EXOC4: variants seen among roughly 807,000 people sequenced by gnomAD.
EXOC4 encodes SEC8-like 1.
EXOC4 carries 71 observed loss-of-function variants against 107.2 expected under a neutral mutation model. The observed-to-expected ratio is 0.66, with a 90% CI of 0.55 to 0.81. The LOEUF is 0.81. EXOC4 is among the 30% of genes least tolerant of loss of function. The probability of loss-of-function intolerance (pLI) is 0.00; values close to 1 mark genes in which losing one functional copy is unlikely to be tolerated. For missense variants in EXOC4, 1,108 were observed against 1,189.6 expected (o/e 0.93, Z 1.01); for synonymous variants, 456 against 441.2 (o/e 1.03, Z -0.42).
chr7:133,683,050 C>CT (rs1794220908), intron 10 of EXOC4, among the ~76,000 whole-genome samples: 1 of 152,148 alleles, frequency 6.6e-6, no homozygotes, highest in African/African-American at 2.4e-5. Context: ...AAAGTCCTCC[C>CT]TTCTCACCTT....
At chr7:133,675,171 G>T (rs1003609687) in intron 10 of EXOC4, among the ~76,000 whole-genome samples, 2 of 152,068 alleles carry the variant, frequency 1.3e-5, no homozygotes, top group African/African-American at 4.8e-5. Context: ...GTGGGGGATG[G>T]TAGGGGGCAG....
intron 14 of EXOC4, among the ~76,000 whole-genome samples, chr7:133,946,479 A>G (rs748652679): frequency 3.3e-5 from 5 of 152,200 alleles, no homozygotes; most frequent in Admixed American, 6.5e-5. Flanking sequence ...TGTCTCAACT[A>G]ATGTTTTGTA....
At chr7:133,267,974 A>C (rs915510143) in intron 1 of EXOC4, among the ~76,000 whole-genome samples, 1 of 152,200 alleles carries the variant, frequency 6.6e-6, no homozygotes, top group Admixed American at 6.5e-5. Flanking sequence ...GGAACTTTAG[A>C]AAGGGATAGG....
intron 17 of EXOC4, among the ~76,000 whole-genome samples, chr7:134,055,412 C>CA (rs1033336903): frequency 4.6e-5 from 7 of 152,086 alleles, no homozygotes; most frequent in Non-Finnish European, 8.8e-5. Context: ...AGTCAACGGC[C>CA]AAAAAATAGA....
At chr7:133,554,293 TTGAG>T (rs1375895607) in intron 9 of EXOC4, among the ~76,000 whole-genome samples, 6 of 152,198 alleles carry the variant, frequency 3.9e-5, no homozygotes, top group African/African-American at 1.4e-4. Flanking sequence ...TTAATATTAT[TTGAG>T]TATCAAAAAT....
rs78698607 is a variant in EXOC4, at chr7:133,444,411, G to A, written c.1183-30917G>A. 4.8e-3 allele frequency among the ~76,000 whole-genome samples: 731 copies of A among 152,258 alleles called. 6 individuals are homozygous for A. Among genetic ancestry groups the A allele is most frequent in the African/African-American group, 0.016 (662 of 41,554 alleles). The stretch of plus-strand genomic sequence containing the variant: ...GAGGATTGACTTTGTAACAGGTAAC[G>A]TTTTATGTGTTGGGGCCACAGCAGT... On this transcript the variant is annotated intron_variant, in intron 7 of 17. Coordinates refer to ENST00000253861, the MANE Select transcript of EXOC4 (RefSeq NM_021807.4).
intron 17 of EXOC4, among the ~76,000 whole-genome samples, chr7:134,045,683 G>T (rs1795633775): frequency 6.6e-6 from 1 of 152,106 alleles, no homozygotes; most frequent in African/African-American, 2.4e-5. Context: ...TCTTAGTATA[G>T]TCACAGCGTT....
At chr7:134,068,868 G>A (rs546614684), downstream of EXOC4, among the ~76,000 whole-genome samples, 12 of 152,284 alleles carry the variant, frequency 7.9e-5, no homozygotes, top group South Asian at 2.1e-3. Context: ...CGTGAATTTC[G>A]TAGCACTAAT....
intron 9 of EXOC4, among the ~76,000 whole-genome samples, chr7:133,526,152 A>G (rs1426558886): frequency 6.6e-6 from 1 of 152,174 alleles, no homozygotes; most frequent in African/African-American, 2.4e-5. Flanking sequence ...TTCCCAGATA[A>G]TTGGCTCTTT....
intron 4 of EXOC4, among the ~76,000 whole-genome samples, chr7:133,313,926 A>G (rs1794932927): frequency 1.3e-5 from 2 of 152,230 alleles, no homozygotes; most frequent in Non-Finnish European, 2.9e-5. Context: ...ATTACTGTAC[A>G]TCAGCTGTCT....
At chr7:133,420,997 A>G (rs770815043) in intron 7 of EXOC4, among the ~76,000 whole-genome samples, 2 of 151,478 alleles carry the variant, frequency 1.3e-5, no homozygotes, top group Admixed American at 6.6e-5. Context: ...CCCTTTTACT[A>G]TTCCATTTTG....
intron 9 of EXOC4, chr7:133,576,342 G>C (rs1801125857): frequency 1.8e-6 from 1 of 541,100 alleles, no homozygotes; most frequent in African/African-American, 2.0e-5. Context: ...ATAATTGGCA[G>C]ATCACACCTT....
chr7:133,497,216 C>T (rs557098966), intron 9 of EXOC4, among the ~76,000 whole-genome samples: 4 of 152,254 alleles, frequency 2.6e-5, no homozygotes, highest in African/African-American at 7.2e-5. Context: ...ACATAGGACT[C>T]AGCTAATCCA....
intron 4 of EXOC4, among the ~76,000 whole-genome samples, chr7:133,315,699 A>C (rs1017630998): frequency 1.3e-5 from 2 of 152,208 alleles, no homozygotes; most frequent in Non-Finnish European, 1.5e-5. Context: ...AGGAACTTAC[A>C]GGTTTACATT....
chr7:133,327,131 G>A (rs2150597521), intron 5 of EXOC4, among the ~76,000 whole-genome samples: 1 of 152,346 alleles, frequency 6.6e-6, no homozygotes, highest in East Asian at 1.9e-4. Flanking sequence ...CTAGGAAAGG[G>A]AATTCTCTGA....
chr7:133,470,987 A>G (rs1365244131), intron 7 of EXOC4, among the ~76,000 whole-genome samples: 4 of 152,218 alleles, frequency 2.6e-5, no homozygotes, highest in East Asian at 1.9e-4. Context: ...GGAATCATCA[A>G]TAAATTATAT....
intron 7 of EXOC4, among the ~76,000 whole-genome samples, chr7:133,472,231 A>G (rs1329349861): frequency 6.6e-6 from 1 of 152,220 alleles, no homozygotes; most frequent in Non-Finnish European, 1.5e-5. Flanking sequence ...GTCTGTTGAT[A>G]TTACGTGAGA....
intron 7 of EXOC4, among the ~76,000 whole-genome samples, chr7:133,454,011 T>G (rs1428754214): frequency 6.6e-6 from 1 of 152,184 alleles, no homozygotes; most frequent in African/African-American, 2.4e-5. Context: ...ACTAATATAA[T>G]TTTAACAGCA....
Position 133,845,232 on chromosome 7 carries a change from TG to T in EXOC4, c.1734+27689del, listed in dbSNP as rs367857479. Among the ~76,000 whole-genome samples, 80 of 152,054 alleles carry T rather than the reference TG, an allele frequency of 5.3e-4. 1 individual carries two copies. In the South Asian group the frequency reaches 0.014, roughly 26 times the overall value. ...GTTTCATGATGCATGCACATCCTGT[TG>T]CCTGTTTTGTTTTACTACAAATGGC... On this transcript the variant is annotated intron_variant, in intron 11 of 17. Transcript: ENST00000253861.
Sources: gnomAD v4.1 joint callset for allele counts (sites outside exome capture counted in the v4.1 genomes callset) on GRCh38, gnomAD v4.1.1 for gene constraint, MANE v1.5 for transcripts, NCBI Gene and HGNC (gene_info 2026-07-23, HGNC 2026-07-21) for gene names.